Variants in PGAP1 observed in about 807,000 individuals in gnomAD.
PGAP1 encodes GPI inositol-deacylase.
PGAP1 carries 76 observed loss-of-function variants against 127.0 expected under a neutral mutation model. That is an observed-to-expected ratio of 0.60 (90% confidence interval 0.50 to 0.72). PGAP1 has a LOEUF of 0.72. Ranked by LOEUF, PGAP1 falls within the 30% of genes least tolerant of loss-of-function variation. The probability of loss-of-function intolerance (pLI) is 0.00; values close to 1 mark genes in which losing one functional copy is unlikely to be tolerated. For synonymous variants in PGAP1, 362 were observed against 366.5 expected (o/e 0.99, Z 0.14); for missense variants, 982 against 1,071.3 (o/e 0.92, Z 1.16).
intron 23 of PGAP1, among the ~76,000 whole-genome samples, chr2:196,845,251 T>A (rs1342160340): frequency 6.6e-6 from 1 of 151,854 alleles, no homozygotes; most frequent in East Asian, 1.9e-4. Context: ...TTTACACTTT[T>A]AAAAATTTCA....
chr2:196,883,080 T>C (rs890383651), intron 12 of PGAP1, among the ~76,000 whole-genome samples: 1 of 152,234 alleles, frequency 6.6e-6, no homozygotes, highest in Non-Finnish European at 1.5e-5. Flanking sequence ...TTGAATTTTA[T>C]CAAAAGCCTT....
chr2:196,877,187 A>G (rs527796262), intron 13 of PGAP1, among the ~76,000 whole-genome samples: 8 of 152,258 alleles, frequency 5.3e-5, no homozygotes, highest in African/African-American at 1.7e-4. Context: ...AACACCCACG[A>G]TAAGTAAATT....
At chr2:196,888,122 A>T (rs924870532) in intron 10 of PGAP1, among the ~76,000 whole-genome samples, 2 of 152,218 alleles carry the variant, frequency 1.3e-5, no homozygotes, top group African/African-American at 4.8e-5. Context: ...GATATAACCT[A>T]GATGTCAAAA....
At chr2:196,868,152 A>C (rs1056703514) in intron 19 of PGAP1, among the ~76,000 whole-genome samples, 1 of 152,200 alleles carries the variant, frequency 6.6e-6, no homozygotes, top group East Asian at 1.9e-4. Flanking sequence ...AAAATGAGAT[A>C]AACAGCACTT....
chr2:196,854,098 T>C (rs1700800671), intron 20 of PGAP1, among the ~76,000 whole-genome samples: 2 of 151,972 alleles, frequency 1.3e-5, no homozygotes, highest in Non-Finnish European at 2.9e-5. Flanking sequence ...GGTTTCACCA[T>C]GTTGCCCAGG....
intron 1 of PGAP1, among the ~76,000 whole-genome samples, chr2:196,925,243 C>A (rs1349182839): frequency 6.6e-6 from 1 of 152,124 alleles, no homozygotes; most frequent in East Asian, 1.9e-4. Context: ...GAATGCTCTT[C>A]AGCAATTTAA....
At chr2:196,898,510 T>A in intron 5 of PGAP1, 141 bp from the exon 6 acceptor site, 1 of 551,080 alleles carries the variant, frequency 1.8e-6, no homozygotes, top group Non-Finnish European at 3.2e-6. Context: ...TAAATGATAT[T>A]CTTATAAAAG....
intron 4 of PGAP1, among the ~76,000 whole-genome samples, chr2:196,905,293 A>G (rs889553981): frequency 1.9e-4 from 29 of 152,220 alleles, no homozygotes; most frequent in African/African-American, 6.5e-4. Context: ...TATGACTTTT[A>G]GCCTTTAATT....
At chr2:196,915,629 C>T (rs150063017) in intron 3 of PGAP1, among the ~76,000 whole-genome samples, 1 of 152,252 alleles carries the variant, frequency 6.6e-6, no homozygotes, top group East Asian at 1.9e-4. Context: ...AATTTACTGC[C>T]TCAACCTTTA....
rs573327926 is a variant in PGAP1, at chr2:196,916,343, A to C, written c.477+75T>G. The C allele has an allele frequency of 1.1e-5, 14 of 1,316,328 alleles. No individual in the cohort carries two copies. The South Asian group carries it at 2.8e-4, about 26-fold the overall frequency. The allele number at this position is 1,316,328 out of a possible 1,614,324, so 81.5% of individuals were successfully genotyped here. A position where few individuals can be genotyped will look rare whatever the true frequency, so the allele number is the denominator to read the frequency against. Reference sequence around the variant, plus strand: ...TTCCATATAAACAAATACATGATTTAAAGTATACTGAATCCCTTTTTTAAA... The same window carrying C: ...TTCCATATAAACAAATACATGATTTCAAGTATACTGAATCCCTTTTTTAAA... On this transcript the variant is annotated intron_variant, in intron 3 of 26. Transcript: ENST00000354764.
intron 20 of PGAP1, among the ~76,000 whole-genome samples, chr2:196,848,327 G>T (rs1442137176): frequency 3.9e-5 from 6 of 152,050 alleles, no homozygotes; most frequent in Non-Finnish European, 5.9e-5. Flanking sequence ...AGCTTTATGG[G>T]ACAAAATTCT....
At chr2:196,885,911 C>G (rs1211544134) in intron 10 of PGAP1, 31 bp from the exon 11 acceptor site, 2 of 1,338,890 alleles carry the variant, frequency 1.5e-6, no homozygotes, top group Non-Finnish European at 1.9e-6. Context: ...ACAAAACACA[C>G]TAAGTATTGT....
At chr2:196,872,805 A>C (rs1356412918) in intron 17 of PGAP1, 155 bp downstream of exon 17, 7 of 565,410 alleles carry the variant, frequency 1.2e-5, no homozygotes, top group Non-Finnish European at 2.2e-5. Context: ...TTTCATAAGA[A>C]TACTATATAT....
chr2:196,850,026 G>A (rs1700672163), intron 20 of PGAP1, among the ~76,000 whole-genome samples: 1 of 152,144 alleles, frequency 6.6e-6, no homozygotes, highest in Admixed American at 6.5e-5. Flanking sequence ...CAGCAGATAG[G>A]AGGGTAGGAG....
At chr2:196,924,746 T>C (rs1703313299) in intron 1 of PGAP1, among the ~76,000 whole-genome samples, 1 of 152,168 alleles carries the variant, frequency 6.6e-6, no homozygotes, top group Non-Finnish European at 1.5e-5. Flanking sequence ...TACCATTAGC[T>C]ACACTAATTT....
chr2:196,861,470 C>T (rs1166117035), intron 20 of PGAP1, among the ~76,000 whole-genome samples: 3 of 152,192 alleles, frequency 2.0e-5, no homozygotes, highest in Non-Finnish European at 2.9e-5. Flanking sequence ...AACAACTCAA[C>T]AGCAAAACAA....
chr2:196,862,607 C>CA (rs1402614032), intron 20 of PGAP1, among the ~76,000 whole-genome samples: 2 of 152,186 alleles, frequency 1.3e-5, no homozygotes, highest in African/African-American at 4.8e-5. Context: ...CGGAACCTAC[C>CA]AACATGTGAT....
rs1700226863 is a variant in PGAP1, at chr2:196,836,014, C to A, written c.*5220G>T. 6.6e-6 allele frequency: 1 copy of A among 151,968 alleles called. No homozygotes were observed. Among genetic ancestry groups the A allele is most frequent in the South Asian group, 2.1e-4 (1 of 4,816 alleles). The allele number at this position is 151,968 out of a possible 1,614,324, so 9.4% of individuals were successfully genotyped here. A position where few individuals can be genotyped will look rare whatever the true frequency, so the allele number is the denominator to read the frequency against. On this transcript the variant is annotated 3_prime_UTR_variant, in exon 27 of 27. Coordinates refer to ENST00000354764, the MANE Select transcript of PGAP1 (RefSeq NM_024989.4). ...ATTAAAAAATAGCATATGAACTTTA[C>A]AAAAATGGCTACTTTTAGTCTTCCT...
chr2:196,898,729 G>A (rs1465959604), intron 5 of PGAP1, among the ~76,000 whole-genome samples: 1 of 152,074 alleles, frequency 6.6e-6, no homozygotes, highest in African/African-American at 2.4e-5. Flanking sequence ...TAATGTATAA[G>A]TTACAAAAGA....
Sources: allele counts gnomAD v4.1 joint callset (sites outside exome capture counted in the v4.1 genomes callset), GRCh38; gene constraint gnomAD v4.1.1; transcripts MANE v1.5; gene names NCBI Gene and HGNC (gene_info 2026-07-23, HGNC 2026-07-21).